Variants in KDM1B observed in about 807,000 individuals in gnomAD.
The protein encoded by KDM1B is lysine-specific histone demethylase 2.
Under a neutral mutation model 107.4 loss-of-function variants are expected in KDM1B, and 63 were observed. The ratio of observed to expected loss-of-function variants is 0.59; its 90% CI spans 0.48 to 0.72. The LOEUF is 0.72. Among genes scored for constraint, KDM1B ranks in the 30% least tolerant of loss-of-function variants. The pLI is 0.00. For missense variants in KDM1B, 749 were observed against 1,020.8 expected, an observed-to-expected ratio of 0.73 and a Z score of 3.63; for synonymous variants, 363 against 363.9, an observed-to-expected ratio of 1.00 and a Z score of 0.03.
At chr6:18,178,182 A>G (rs1325197586) in intron 7 of KDM1B, among the ~76,000 whole-genome samples, 3 of 152,124 alleles carry the variant, frequency 2.0e-5, no homozygotes, top group Non-Finnish European at 4.4e-5. Context: ...TCCTGGGTTC[A>G]AGCAATTCTC....
chr6:18,171,438 A>G lies in KDM1B; in HGVS notation c.493A>G (p.Lys165Glu), dbSNP rs772665701. The G allele has an allele frequency of 2.3e-5, 37 of 1,613,386 alleles. No individual in the cohort carries two copies. Among genetic ancestry groups the G allele is most frequent in the Non-Finnish European group, 3.1e-5 (36 of 1,179,298 alleles). ...AATCCAGCTTACTCCACAGATAGCC[A>G]AGACTTATCGATGCGGTATGAAACC... ...KEIQLTPQIA[K>E]TYRCGMKPNT... is the part of the protein sequence containing the mutation. Residue 165 changes from lysine to glutamate, a missense_variant, in exon 7 of 22, where the codon AAG becomes GAG. Lys to Glu is a moderately conservative substitution (Grantham distance 56). Coordinates refer to ENST00000650836, the MANE Select transcript of KDM1B (RefSeq NM_001364614.2).
In KDM1B at chr6:18,185,879, A is replaced by G. The variant is rs1479602964; in HGVS notation, c.573+69A>G. 14 of 1,373,906 alleles carry G rather than the reference A, an allele frequency of 1.0e-5. No homozygotes were observed. In the Admixed American group the frequency reaches 2.4e-4, roughly 24 times the overall value. 85.1% of individuals were successfully genotyped at this position (1,373,906 alleles called of 1,614,324 possible). The stretch of plus-strand genomic sequence containing the variant: ...TGATGATAAGTGTTACAAGGAAATG[A>G]TAGTAACAGCTTCATGAATTTCTTT... On this transcript the variant is annotated intron_variant, in intron 8 of 21. Coordinates refer to ENST00000650836, the MANE Select transcript of KDM1B (RefSeq NM_001364614.2).
rs895003605 is a variant in KDM1B at position 18,191,336 on chromosome 6, G to T, written c.924G>T (p.Leu308=). The change falls in exon 10 of 22, where the codon CTG becomes CTT. Residue 308 remains leucine, a synonymous_variant. Transcript: ENST00000650836. The surrounding 1 kb of genome is among the most constrained non-coding windows in gnomAD (Gnocchi z 5.1). ...PEYSRDPTMY[L]ALRNLILALW... ...ATTCCCGAGACCCCACCATGTACCT[G>T]GCTTTGAGAAACCTCATCCTCGCAC... 2 of 1,550,920 alleles carry T rather than the reference G, an allele frequency of 1.3e-6. No individual in the cohort carries two copies. Among genetic ancestry groups the T allele is most frequent in the Non-Finnish European group, 8.7e-7 (1 of 1,147,112 alleles).
intron 21 of KDM1B, among the ~76,000 whole-genome samples, 173 bp downstream of exon 21, chr6:18,218,058 C>T (rs957754490): frequency 1.3e-5 from 2 of 152,194 alleles, no homozygotes; most frequent in African/African-American, 4.8e-5. Flanking sequence ...CCGTTTTTAA[C>T]CTTCCAGCTA....
rs1582238101 is a variant in KDM1B at position 18,222,519 on chromosome 6, T to G, written c.*527T>G. 1 of 187,500 alleles carries G rather than the reference T, an allele frequency of 5.3e-6. No individual in the cohort carries two copies. Among genetic ancestry groups the G allele is most frequent in the African/African-American group, 2.4e-5 (1 of 41,756 alleles). The allele number at this position is 187,500 out of a possible 1,614,324, so 11.6% of individuals were successfully genotyped here. A position where few individuals can be genotyped will look rare whatever the true frequency, so the allele number is the denominator to read the frequency against. On this transcript the variant is annotated 3_prime_UTR_variant, in exon 22 of 22. Transcript: ENST00000650836. ...ACTTTTTTTTGGATACAGCACAAAC[T>G]CCAGTTGACAGTAAAATGAAGCTTC...
chr6:18,172,311 T>C lies in KDM1B; in HGVS notation c.534+832T>C, dbSNP rs949881632. Reference sequence around the variant, plus strand: ...GGTACCTGCAGTACATTAAAGAATATTAGGAATCCTTTTAATCTCAGAGGT... The same window carrying C: ...GGTACCTGCAGTACATTAAAGAATACTAGGAATCCTTTTAATCTCAGAGGT... On this transcript the variant is annotated intron_variant, in intron 7 of 21. Transcript: ENST00000650836. This position sits in a 1 kb window ranked among gnomAD's most constrained non-coding sequence, Gnocchi z 5.2. Among the ~76,000 whole-genome samples, 5 of 152,194 alleles carry C rather than the reference T, an allele frequency of 3.3e-5. No individual in the cohort carries two copies. The highest frequency in any genetic ancestry group is 3.3e-4 in the Admixed American group (5 of 15,264).
At chr6:18,161,839 A>C (rs968329034) in intron 4 of KDM1B, among the ~76,000 whole-genome samples, 1 of 152,082 alleles carries the variant, frequency 6.6e-6, no homozygotes, top group South Asian at 2.1e-4. Flanking sequence ...CTCATATAAC[A>C]TGCCACCTCT....
chr6:18,220,604 A>G (rs887543688), intron 21 of KDM1B, among the ~76,000 whole-genome samples: 5 of 152,216 alleles, frequency 3.3e-5, no homozygotes, highest in African/African-American at 9.6e-5. Flanking sequence ...TCCTTGGCCT[A>G]TGAAGACCTT....
At chr6:18,163,064 C>T in intron 5 of KDM1B, 140 bp downstream of exon 5, 7 of 600,994 alleles carry the variant, frequency 1.2e-5, no homozygotes, top group Non-Finnish European at 2.1e-5. Flanking sequence ...ATGACTGTAA[C>T]TTGGACGAGA....
intron 3 of KDM1B, among the ~76,000 whole-genome samples, chr6:18,160,695 G>A (rs1167198524): frequency 2.6e-5 from 4 of 151,080 alleles, no homozygotes; most frequent in South Asian, 2.1e-4. Flanking sequence ...CAGAGATGGC[G>A]CCACTGCATT....
In KDM1B at chr6:18,212,227, G is replaced by C; in HGVS notation, c.1867-261G>C. ...CTCAAAGTGCTGGGATTACAGGCATGAGCCACCGCACCTGGCCTCTGCTGA... is the reference window on the plus strand; with the variant it reads ...CTCAAAGTGCTGGGATTACAGGCATCAGCCACCGCACCTGGCCTCTGCTGA... On this transcript the variant is annotated intron_variant, in intron 17 of 21. Coordinates refer to ENST00000650836, the MANE Select transcript of KDM1B (RefSeq NM_001364614.2). The surrounding 1 kb of genome is among the most constrained non-coding windows in gnomAD (Gnocchi z 5.2). The C allele has an allele frequency of 2.4e-6, 1 of 410,872 alleles. No individual in the cohort carries two copies. Among genetic ancestry groups the C allele is most frequent in the Non-Finnish European group, 4.5e-6 (1 of 221,752 alleles). 25.5% of individuals were successfully genotyped at this position (410,872 alleles called of 1,614,324 possible).
chr6:18,199,492 G>A (rs575445028), intron 12 of KDM1B, among the ~76,000 whole-genome samples: 2 of 152,236 alleles, frequency 1.3e-5, no homozygotes, highest in Admixed American at 6.5e-5. Flanking sequence ...CTGGCCCTGC[G>A]ATGAATAGGA....
Position 18,191,489 on chromosome 6 carries a change from C to T in KDM1B, c.969+108C>T, listed in dbSNP as rs890708101. 1.1e-5 allele frequency: 13 copies of T among 1,233,474 alleles called. No individual in the cohort carries two copies. Among genetic ancestry groups the T allele is most frequent in the South Asian group, 3.1e-5 (2 of 63,508 alleles). The allele number at this position is 1,233,474 out of a possible 1,614,324, so 76.4% of individuals were successfully genotyped here. A position where few individuals can be genotyped will look rare whatever the true frequency, so the allele number is the denominator to read the frequency against. Reference sequence around the variant, plus strand: ...ACCTTTTATGCCAGGGTTTCTCAGCCGTGCCTCTGTTGACAATTTGGGCAG... The same window carrying T: ...ACCTTTTATGCCAGGGTTTCTCAGCTGTGCCTCTGTTGACAATTTGGGCAG... On this transcript the variant is annotated intron_variant, in intron 10 of 21. Coordinates refer to ENST00000650836, the MANE Select transcript of KDM1B (RefSeq NM_001364614.2). This position sits in a 1 kb window ranked among gnomAD's most constrained non-coding sequence, Gnocchi z 5.1.
intron 2 of KDM1B, among the ~76,000 whole-genome samples, chr6:18,157,637 T>A (rs940124474): frequency 6.6e-6 from 1 of 151,686 alleles, no homozygotes; most frequent in Admixed American, 6.6e-5. Flanking sequence ...GTGGTTCATG[T>A]TATGAATAAT....
chr6:18,158,714 C>T (rs1168292528), intron 2 of KDM1B, among the ~76,000 whole-genome samples: 2 of 152,154 alleles, frequency 1.3e-5, no homozygotes, highest in Non-Finnish European at 2.9e-5. Context: ...TTATGCTAAG[C>T]ATTTTTCATT....
intron 21 of KDM1B, 69 bp from the exon 22 acceptor site, chr6:18,221,840 C>G (rs1456185116): frequency 7.9e-7 from 1 of 1,265,896 alleles, no homozygotes; most frequent in Non-Finnish European, 1.1e-6. Flanking sequence ...TAAAGTCTAA[C>G]CTTGTTTTAC....
rs13198132 is a variant in KDM1B, at chr6:18,184,953, C to A, written c.535-819C>A. Among the ~76,000 whole-genome samples the A allele has an allele frequency of 9.2e-5, 14 of 151,824 alleles. 1 individual carries two copies. The highest frequency in any genetic ancestry group is 2.1e-4 in the Non-Finnish European group (14 of 67,976). ...GGGTGTTACCCAGGTTGGTGTTGAA[C>A]TCCTAGGCTCAAGCGATCCACCTGC... On this transcript the variant is annotated intron_variant, in intron 7 of 21. Coordinates refer to ENST00000650836, the MANE Select transcript of KDM1B (RefSeq NM_001364614.2).
In KDM1B at chr6:18,201,420, G is replaced by A. The variant is rs1788023838; in HGVS notation, c.1360-66G>A. The A allele has an allele frequency of 8.3e-7, 1 of 1,206,654 alleles. No individual in the cohort carries two copies. Among genetic ancestry groups the A allele is most frequent in the Non-Finnish European group, 1.2e-6 (1 of 862,440 alleles). The allele number at this position is 1,206,654 out of a possible 1,614,324, so 74.7% of individuals were successfully genotyped here. On this transcript the variant is annotated intron_variant, in intron 13 of 21. Transcript: ENST00000650836. This position sits in a 1 kb window ranked among gnomAD's most constrained non-coding sequence, Gnocchi z 4.3. ...CCATGAGAGCTCTGTCTGATTTTCA[G>A]CTTAGAACCTGTAAATATTTTTTTC... is the stretch of plus-strand genomic sequence containing the variant.
intron 4 of KDM1B, among the ~76,000 whole-genome samples, chr6:18,161,813 C>T (rs562320129): frequency 1.3e-5 from 2 of 152,200 alleles, no homozygotes; most frequent in South Asian, 2.1e-4. Context: ...GTTTACTTTT[C>T]GTTGTGTTTT....
Sources: gnomAD v4.1 joint callset for allele counts (sites outside exome capture counted in the v4.1 genomes callset) on GRCh38, gnomAD v4.1.1 for gene constraint, Gnocchi (gnomAD v3.1) non-coding constraint, MANE v1.5 for transcripts, NCBI Gene and HGNC (gene_info 2026-07-23, HGNC 2026-07-21) for gene names.